Variants in SYNE2 observed in about 807,000 individuals in gnomAD.
SYNE2 encodes nesprin-2.
SYNE2 carries 431 observed loss-of-function variants against 856.3 expected under a neutral mutation model. The observed-to-expected ratio is 0.50, with a 90% CI of 0.47 to 0.55. The LOEUF is 0.55. SYNE2 is among the 20% of genes least tolerant of loss of function. SYNE2 has a pLI of 0.00. For synonymous variants in SYNE2, 2,923 were observed against 2,872.3 expected, an observed-to-expected ratio of 1.02 and a Z score of -0.56; for missense variants, 8,129 against 8,023.2, an observed-to-expected ratio of 1.01 and a Z score of -0.50.
chr14:64,030,622 A>G (rs570616951), intron 44 of SYNE2, among the ~76,000 whole-genome samples: 23 of 152,370 alleles, frequency 1.5e-4, no homozygotes, highest in African/African-American at 5.3e-4. Context: ...AATTTTAAAT[A>G]TTAGCATTAG....
Position 64,070,625 on chromosome 14 carries a change from CT to C in SYNE2, c.10432-15del. The C allele has an allele frequency of 1.2e-6, 2 of 1,601,894 alleles. No homozygotes were observed. Among genetic ancestry groups the C allele is most frequent in the Non-Finnish European group, 1.7e-6 (2 of 1,171,258 alleles). On this transcript the variant is annotated intron_variant, in intron 51 of 115. Transcript: ENST00000555002. ...ATTGTATATTTTACTTATTTTAGTTCTTTTTGTTTTTTGAATTAGATTGAAC... is the reference window on the plus strand; with the variant it reads ...ATTGTATATTTTACTTATTTTAGTTCTTTTGTTTTTTGAATTAGATTGAAC...
intron 93 of SYNE2, 73 bp from the exon 94 acceptor site, chr14:64,170,155 T>C (rs2098403886): frequency 1.4e-6 from 2 of 1,401,238 alleles, no homozygotes; most frequent in Non-Finnish European, 2.0e-6. Flanking sequence ...GAATCTGAGC[T>C]GCTATTACCC....
intron 1 of SYNE2, among the ~76,000 whole-genome samples, chr14:63,812,892 G>T (rs1050860901): frequency 2.0e-5 from 3 of 152,104 alleles, no homozygotes; most frequent in Non-Finnish European, 4.4e-5. Context: ...GGAACTTAAT[G>T]TAAATTTTAA....
intron 49 of SYNE2, among the ~76,000 whole-genome samples, chr14:64,057,833 C>T (rs542159435): frequency 6.6e-6 from 1 of 152,300 alleles, no homozygotes; most frequent in African/African-American, 2.4e-5. Context: ...GAGATGATGT[C>T]TCATTGTAGT....
chr14:64,106,789 G>A (rs187928478), intron 64 of SYNE2, among the ~76,000 whole-genome samples: 1 of 151,974 alleles, frequency 6.6e-6, no homozygotes, highest in East Asian at 1.9e-4. Context: ...TTCTTGTCAT[G>A]CTTCCCCACA....
intron 94 of SYNE2, among the ~76,000 whole-genome samples, chr14:64,171,289 A>G (rs1005380780): frequency 2.6e-5 from 4 of 152,218 alleles, no homozygotes; most frequent in South Asian, 2.1e-4. Context: ...TCATTATGCA[A>G]TCATCGCATA....
intron 76 of SYNE2, among the ~76,000 whole-genome samples, chr14:64,131,681 A>C (rs1200922222): frequency 6.6e-6 from 1 of 152,142 alleles, no homozygotes; most frequent in Non-Finnish European, 1.5e-5. Context: ...TCCTGGTCTC[A>C]AACAATCCTC....
At chr14:63,953,543 G>GAGATAGATAGATAGATAGATAGATAGAT (rs59456660) in intron 7 of SYNE2, among the ~76,000 whole-genome samples, 1 of 90,500 alleles carries the variant, frequency 1.1e-5, no homozygotes. Flanking sequence ...GAGAGAGAGA[G>GAGATAGATAGATAGATAGATAGATAGAT]AGATAGATAG....
intron 31 of SYNE2, 40 bp from the exon 32 acceptor site, chr14:64,009,926 T>G: frequency 6.3e-7 from 1 of 1,585,108 alleles, no homozygotes; most frequent in Non-Finnish European, 8.6e-7. Context: ...GGTTTTGCTA[T>G]TTTTGGACAT....
chr14:63,962,433 A>G (rs2096332525), intron 9 of SYNE2, among the ~76,000 whole-genome samples: 1 of 152,072 alleles, frequency 6.6e-6, no homozygotes, highest in Non-Finnish European at 1.5e-5. Context: ...CATCTATTTA[A>G]TATGTTCATT....
At chr14:64,057,816 A>T (rs539004344) in intron 49 of SYNE2, among the ~76,000 whole-genome samples, 1 of 152,142 alleles carries the variant, frequency 6.6e-6, no homozygotes, top group Non-Finnish European at 1.5e-5. Context: ...AGCCATTTTA[A>T]CTGGATGAGA....
At chr14:64,150,535 G>C (rs1362714108) in intron 84 of SYNE2, among the ~76,000 whole-genome samples, 2 of 147,062 alleles carry the variant, frequency 1.4e-5, no homozygotes, top group Non-Finnish European at 1.5e-5. Context: ...TGTTGTTTAT[G>C]CTGCCATTTT....
chr14:63,903,329 CAAGG>C (rs1566758601), intron 1 of SYNE2, among the ~76,000 whole-genome samples: 1 of 152,076 alleles, frequency 6.6e-6, no homozygotes, highest in Non-Finnish European at 1.5e-5. Context: ...AAGAAATTGT[CAAGG>C]AAGTAAAAAA....
At chr14:63,849,407 C>T (rs1241012936), upstream of SYNE2, among the ~76,000 whole-genome samples, 2 of 151,978 alleles carry the variant, frequency 1.3e-5, no homozygotes, top group South Asian at 2.1e-4. Context: ...ATTCACTTAC[C>T]CATCTGGTGA....
chr14:63,821,006 CT>C (rs1325538761), intron 1 of SYNE2, among the ~76,000 whole-genome samples: 1 of 152,006 alleles, frequency 6.6e-6, no homozygotes, highest in Non-Finnish European at 1.5e-5. Flanking sequence ...CCACCTCAGC[CT>C]TTGGGATTAC....
intron 79 of SYNE2, among the ~76,000 whole-genome samples, chr14:64,138,829 T>G (rs1230305892): frequency 6.6e-6 from 1 of 152,066 alleles, no homozygotes. Flanking sequence ...GAATATTGTT[T>G]GAATATTTTC....
intron 20 of SYNE2, among the ~76,000 whole-genome samples, 162 bp from the exon 21 acceptor site, chr14:63,990,780 A>C (rs907040512): frequency 5.3e-5 from 8 of 152,216 alleles, no homozygotes; most frequent in African/African-American, 1.9e-4. Context: ...ATTTGGATAG[A>C]TATCTAAATT....
At position 63,995,160 on chromosome 14, in the gene SYNE2, T is replaced by TA; in HGVS notation, c.2899dup (p.Ile967AsnfsTer3). 6.2e-7 allele frequency: 1 copy of TA among 1,606,566 alleles called. No homozygotes were observed. The highest frequency in any genetic ancestry group is 8.5e-7 in the Non-Finnish European group (1 of 1,176,468). ...AGCAAATAAATAAAGAAAAGAAACT[T>TA]ATCCGTAGAGGAAGGACCAAGGGTC... On this transcript the variant is annotated frameshift_variant, in exon 23 of 116. Transcript: ENST00000555002. LOFTEE classifies it high-confidence loss of function.
intron 1 of SYNE2, among the ~76,000 whole-genome samples, chr14:63,763,913 C>T (rs981780702): frequency 1.3e-5 from 2 of 152,196 alleles, no homozygotes; most frequent in African/African-American, 2.4e-5. Context: ...TCACCTGAAG[C>T]GATCCTCCTG....
Sources: gnomAD v4.1 joint callset for allele counts (sites outside exome capture counted in the v4.1 genomes callset) on GRCh38, gnomAD v4.1.1 for gene constraint, MANE v1.5 for transcripts, NCBI Gene and HGNC (gene_info 2026-07-23, HGNC 2026-07-21) for gene names.